SYCE1: variants seen among roughly 807,000 people sequenced by gnomAD.
SYCE1 encodes the protein synaptonemal complex central element protein 1.
Under a neutral mutation model 55.1 loss-of-function variants are expected in SYCE1, and 37 were observed. That is an observed-to-expected ratio of 0.67 (90% CI 0.52 to 0.88). The LOEUF is 0.88. Ranked by LOEUF, SYCE1 falls within the 40% of genes least tolerant of loss-of-function variation. The pLI is 0.00. For missense variants in SYCE1, 399 were observed against 416.4 expected (o/e 0.96, Z 0.36); for synonymous variants, 163 against 159.4 (o/e 1.02, Z -0.17).
chr10:133,555,736 AC>A (rs1427390254), intron 10 of SYCE1, 29 bp from the exon 11 acceptor site: 4 of 1,607,900 alleles, frequency 2.5e-6, no homozygotes, highest in Non-Finnish European at 3.4e-6. Context: ...GGTGGTCAGC[AC>A]CGGCCACTCC....
chr10:133,554,163 T>G (rs1851590170), downstream of SYCE1: 1 of 755,090 alleles, frequency 1.3e-6, no homozygotes, highest in Non-Finnish European at 2.2e-6. Context: ...ATTGCCAGTT[T>G]GTTTAAGACA....
chr10:133,558,080 T>A, intron 5 of SYCE1, 87 bp downstream of exon 5: 1 of 1,582,974 alleles, frequency 6.3e-7, no homozygotes, highest in Non-Finnish European at 8.7e-7. Context: ...CTGGGACAGG[T>A]TTCAAAAGGC....
chr10:133,556,010 TC>T lies in SYCE1; in HGVS notation c.565del (p.Asp189ThrfsTer21), dbSNP rs1256379084. 2 of 1,614,130 alleles carry T rather than the reference TC, an allele frequency of 1.2e-6. No individual in the cohort carries two copies. The highest frequency in any genetic ancestry group is 1.7e-6 in the Non-Finnish European group (2 of 1,180,022). On this transcript the variant is annotated frameshift_variant, in exon 9 of 13. Coordinates refer to ENST00000343131, the MANE Select transcript of SYCE1 (RefSeq NM_001143764.3). LOFTEE classifies it high-confidence loss of function. ...ERLAKEICAL[D>X]SSKEQLLKEE... ...CTTGAGCAGCTGCTCCTTGCTGCTGTCCAGGGCACAAATCTCCTTTGCCAGC... is the reference window on the plus strand; with the variant it reads ...CTTGAGCAGCTGCTCCTTGCTGCTGTCAGGGCACAAATCTCCTTTGCCAGC...
Position 133,555,761 on chromosome 10 carries a change from C to T in SYCE1, c.719+19G>A, listed in dbSNP as rs1211025387. The T allele has an allele frequency of 6.2e-7, 1 of 1,611,084 alleles. No individual in the cohort carries two copies. Among genetic ancestry groups the T allele is most frequent in the South Asian group, 1.1e-5 (1 of 91,000 alleles). ...ACCGGCCACTCCCTCCTCCCACCCT[C>T]TTCCCCTCCACATCTTACACTGTGG... On this transcript the variant is annotated intron_variant, in intron 10 of 12. Coordinates refer to ENST00000343131, the MANE Select transcript of SYCE1 (RefSeq NM_001143764.3).
At chr10:133,567,013 C>T (rs570949601), upstream of SYCE1, among the ~76,000 whole-genome samples, 20 of 150,878 alleles carry the variant, frequency 1.3e-4, no homozygotes, top group South Asian at 6.4e-4. Context: ...TTTGTGGTTA[C>T]GGTTCGGGCT....
chr10:133,554,224 G>C, downstream of SYCE1: 2 of 1,501,792 alleles, frequency 1.3e-6, no homozygotes, highest in Non-Finnish European at 1.9e-6. Flanking sequence ...ACTGACTGAA[G>C]AATTTCTGCA....
At chr10:133,559,487 G>C in intron 2 of SYCE1, 127 bp from the exon 3 acceptor site, 2 of 872,458 alleles carry the variant, frequency 2.3e-6, no homozygotes, top group Non-Finnish European at 3.7e-6. Flanking sequence ...GTGCTCTGTG[G>C]GGCCCTCACG....
At chr10:133,566,864 G>T (rs865800942), upstream of SYCE1, among the ~76,000 whole-genome samples, 5 of 22,740 alleles carry the variant, frequency 2.2e-4, no homozygotes, top group South Asian at 4.7e-3. Flanking sequence ...TAGGGTTAGG[G>T]TTAGGGTTAG....
upstream of SYCE1, among the ~76,000 whole-genome samples, chr10:133,566,591 G>A (rs571524806): frequency 7.0e-6 from 1 of 143,600 alleles, no homozygotes; most frequent in South Asian, 2.4e-4. Flanking sequence ...TTAGGGTCAG[G>A]GTTTTAGTGT....
At chr10:133,567,027 G>C (rs1431182134), upstream of SYCE1, among the ~76,000 whole-genome samples, 1 of 151,812 alleles carries the variant, frequency 6.6e-6, no homozygotes, top group Non-Finnish European at 1.5e-5. Flanking sequence ...TCGGGCTAGG[G>C]TTTTAGGGGT....
chr10:133,558,853 C>T (rs751504390), intron 4 of SYCE1, 24 bp downstream of exon 4: 6 of 1,612,676 alleles, frequency 3.7e-6, no homozygotes, highest in Non-Finnish European at 4.2e-6. Flanking sequence ...GTGGGGACCT[C>T]TGGGTGACCC....
intron 1 of SYCE1, among the ~76,000 whole-genome samples, chr10:133,563,956 T>G (rs1043247979): frequency 2.0e-5 from 3 of 152,168 alleles, no homozygotes; most frequent in Non-Finnish European, 2.9e-5. Context: ...TTTACTAAAA[T>G]GTATCTAGTG....
chr10:133,554,696 T>G, downstream of SYCE1: 1 of 793,170 alleles, frequency 1.3e-6, no homozygotes, highest in Non-Finnish European at 2.2e-6. Flanking sequence ...ATGAAGGAAT[T>G]GAAGAAATAA....
downstream of SYCE1, chr10:133,554,313 T>C: frequency 1.2e-6 from 2 of 1,614,128 alleles, no homozygotes; most frequent in Non-Finnish European, 1.7e-6. Context: ...GTCACTGGTC[T>C]ACCTGGTCTG....
chr10:133,558,039 T>G, intron 5 of SYCE1, 121 bp from the exon 6 acceptor site: 1 of 1,517,506 alleles, frequency 6.6e-7, no homozygotes, highest in South Asian at 1.1e-5. Flanking sequence ...ATTTACTACA[T>G]GTCTGGTGGA....
At chr10:133,566,058 C>T (rs1006771384), upstream of SYCE1, among the ~76,000 whole-genome samples, 23 of 152,242 alleles carry the variant, frequency 1.5e-4, no homozygotes, top group African/African-American at 5.3e-4. Context: ...CGCAGAGGAG[C>T]GTAGCCTGCC....
chr10:133,567,271 G>T (rs1851966273), upstream of SYCE1, among the ~76,000 whole-genome samples: 1 of 151,632 alleles, frequency 6.6e-6, no homozygotes, highest in South Asian at 2.1e-4. Flanking sequence ...TTAGGGTTGG[G>T]GCTAGGGCTT....
rs1290474031 is a variant in SYCE1, at chr10:133,554,921, G to C, written c.*71C>G. ...GACCAAGAGGCAGAGTCAAGCCAAGGCTTCAATCAGTCACAGGAGACTGGG... is the reference window on the plus strand; with the variant it reads ...GACCAAGAGGCAGAGTCAAGCCAAGCCTTCAATCAGTCACAGGAGACTGGG... On this transcript the variant is annotated 3_prime_UTR_variant, in exon 13 of 13. Transcript: ENST00000343131. 1.0e-5 allele frequency: 15 copies of C among 1,472,216 alleles called. No homozygotes were observed. Among genetic ancestry groups the C allele is most frequent in the Non-Finnish European group, 1.3e-5 (14 of 1,111,438 alleles). 91.2% of individuals were successfully genotyped at this position (1,472,216 alleles called of 1,614,324 possible). A position where few individuals can be genotyped will look rare whatever the true frequency, so the allele number is the denominator to read the frequency against.
intron 10 of SYCE1, 22 bp downstream of exon 10, chr10:133,555,758 C>T (rs1851658766): frequency 6.2e-7 from 1 of 1,610,764 alleles, no homozygotes; most frequent in Non-Finnish European, 8.5e-7. Flanking sequence ...CTCCTCCCAC[C>T]CTCTTCCCCT....
Sources: gnomAD v4.1 joint callset for allele counts (sites outside exome capture counted in the v4.1 genomes callset) on GRCh38, gnomAD v4.1.1 for gene constraint, MANE v1.5 for transcripts, NCBI Gene and HGNC (gene_info 2026-07-23, HGNC 2026-07-21) for gene names.